Variants in ASAP1 observed in about 807,000 individuals in gnomAD.
The protein encoded by ASAP1 is arf-GAP with SH3 domain, ANK repeat and PH domain-containing protein 1.
ASAP1 carries 43 observed loss-of-function variants against 145.2 expected under a neutral mutation model. The ratio of observed to expected loss-of-function variants is 0.30; its 90% CI spans 0.23 to 0.38. The LOEUF is 0.38. Among genes scored for constraint, ASAP1 ranks in the 10% least tolerant of loss-of-function variants. The pLI is 1.00. For missense variants in ASAP1, 1,018 were observed against 1,355.3 expected (o/e 0.75, Z 3.91); for synonymous variants, 546 against 515.5 (o/e 1.06, Z -0.80).
chr8:130,244,933 A>G (rs1298070093), intron 3 of ASAP1, among the ~76,000 whole-genome samples: 3 of 152,148 alleles, frequency 2.0e-5, no homozygotes, highest in Admixed American at 1.3e-4. Context: ...AGAGAGAAGC[A>G]GAACAGAAAT....
intron 23 of ASAP1, among the ~76,000 whole-genome samples, chr8:130,114,595 A>G (rs961613921): frequency 2.0e-5 from 3 of 152,084 alleles, no homozygotes; most frequent in Admixed American, 6.6e-5. Flanking sequence ...CTACCGTATT[A>G]TGACATCTAT....
chr8:130,300,051 C>G (rs751829209), intron 3 of ASAP1, among the ~76,000 whole-genome samples: 1 of 146,300 alleles, frequency 6.8e-6, no homozygotes, highest in South Asian at 2.2e-4. Context: ...AAACAAAAGA[C>G]GAAAAACAAA....
intron 3 of ASAP1, among the ~76,000 whole-genome samples, chr8:130,284,016 G>C (rs1393036095): frequency 2.0e-5 from 3 of 152,028 alleles, no homozygotes; most frequent in African/African-American, 4.8e-5. Flanking sequence ...TGGAGGACTG[G>C]GTATGTGATG....
intron 27 of ASAP1, among the ~76,000 whole-genome samples, chr8:130,066,513 T>A (rs1282019401): frequency 1.3e-5 from 2 of 152,164 alleles, no homozygotes; most frequent in Non-Finnish European, 2.9e-5. Flanking sequence ...ACCTGGCCTA[T>A]TTCTTTCTTT....
chr8:130,058,137 G>C, intron 28 of ASAP1, 61 bp from the exon 29 acceptor site: 1 of 1,578,344 alleles, frequency 6.3e-7, no homozygotes, highest in Non-Finnish European at 8.7e-7. Context: ...AAAGAGCAGC[G>C]GTTCTTTGTA....
At chr8:130,429,107 A>G (rs538727238) in intron 1 of ASAP1, among the ~76,000 whole-genome samples, 23 of 152,284 alleles carry the variant, frequency 1.5e-4, no homozygotes, top group Admixed American at 1.5e-3. Flanking sequence ...CCCTCTGTGC[A>G]TATCTGCCTC....
At chr8:130,277,570 G>A (rs1445197069) in intron 3 of ASAP1, among the ~76,000 whole-genome samples, 4 of 152,108 alleles carry the variant, frequency 2.6e-5, no homozygotes, top group African/African-American at 9.7e-5. Context: ...GTGACACAGA[G>A]TTCTCATGAC....
Position 130,060,916 on chromosome 8 carries a change from A to G in ASAP1, c.2855T>C (p.Ile952Thr). 1.2e-6 allele frequency: 2 copies of G among 1,611,362 alleles called. No homozygotes were observed. Among genetic ancestry groups the G allele is most frequent in the South Asian group, 1.1e-5 (1 of 90,876 alleles). The part of the protein sequence containing the change: ...KPTELAPKPQ[I>T]GDLPPKPGEL... ...TCCTGGCTTAGGCGGCAAATCTCCA[A>G]TTTGGGGCTTGGGGGCCAGTTCTGT... The change falls in exon 28 of 30, where the codon ATT becomes ACT. Residue 952 changes from isoleucine to threonine, a missense_variant. Coordinates refer to ENST00000518721, the MANE Select transcript of ASAP1 (RefSeq NM_018482.4).
chr8:130,141,369 A>G (rs567040406), intron 13 of ASAP1, among the ~76,000 whole-genome samples: 1 of 150,968 alleles, frequency 6.6e-6, no homozygotes, highest in South Asian at 2.1e-4. Flanking sequence ...CTGCTCACAC[A>G]CTCCTGCAGG....
At chr8:130,319,073 C>T (rs557662345) in intron 3 of ASAP1, among the ~76,000 whole-genome samples, 20 of 152,320 alleles carry the variant, frequency 1.3e-4, no homozygotes, top group South Asian at 2.1e-4. Context: ...TCTTCTGAAG[C>T]GTTTTTACAA....
At chr8:130,174,134 C>T (rs1813790738) in intron 9 of ASAP1, among the ~76,000 whole-genome samples, 1 of 146,694 alleles carries the variant, frequency 6.8e-6, no homozygotes. Flanking sequence ...GAGTCAAAAC[C>T]ATATCATATT....
intron 5 of ASAP1, among the ~76,000 whole-genome samples, chr8:130,189,613 C>T (rs1306411376): frequency 1.3e-5 from 2 of 152,186 alleles, no homozygotes; most frequent in Non-Finnish European, 2.9e-5. Context: ...CTCCGATGAA[C>T]ATGAGAGTAC....
At chr8:130,337,019 C>T (rs1825078968) in intron 3 of ASAP1, among the ~76,000 whole-genome samples, 1 of 152,150 alleles carries the variant, frequency 6.6e-6, no homozygotes, top group Non-Finnish European at 1.5e-5. Context: ...CCACAGGGAA[C>T]CCCAGACCAT....
Position 130,372,887 on chromosome 8 carries a change from C to T in ASAP1, c.60-14744G>A, listed in dbSNP as rs1827276736. On this transcript the variant is annotated intron_variant, in intron 2 of 29. Transcript: ENST00000518721. ...GAGAGAGCACACTCATGCATATGGACACATGGACACATACACAGACATATA... is the reference window on the plus strand; with the variant it reads ...GAGAGAGCACACTCATGCATATGGATACATGGACACATACACAGACATATA... Among the ~76,000 whole-genome samples the T allele has an allele frequency of 2.0e-5, 3 of 152,096 alleles. No individual in the cohort carries two copies. The South Asian group carries it at 6.2e-4, about 32-fold the overall frequency.
chr8:130,181,073 G>A (rs1357749064), intron 7 of ASAP1, among the ~76,000 whole-genome samples, 193 bp from the exon 8 acceptor site: 1 of 151,952 alleles, frequency 6.6e-6, no homozygotes. Context: ...GGGGGAGGGA[G>A]CATATGGGAA....
At position 130,167,584 on chromosome 8, in the gene ASAP1, A is replaced by G. The variant is rs141564802; in HGVS notation, c.861T>C (p.Thr287=). The change falls in exon 11 of 30, where the codon ACT becomes ACC. Residue 287 remains threonine, a synonymous_variant. Coordinates refer to ENST00000518721, the MANE Select transcript of ASAP1 (RefSeq NM_018482.4). ...QTQDEEKKQL[T]ALRDLIKSSL... is the part of the protein sequence containing the mutation. ...AGGATTTTATTAAGTCTCGGAGTGC[A>G]GTTAGCTGTTTCTTTTCTTCATCCT... 161 of 1,613,578 alleles carry G rather than the reference A, an allele frequency of 1.0e-4. No homozygotes were observed. In the African/African-American group the frequency reaches 1.5e-3, roughly 15 times the overall value.
chr8:130,119,913 G>T (rs752888886), intron 18 of ASAP1, among the ~76,000 whole-genome samples: 9 of 152,082 alleles, frequency 5.9e-5, no homozygotes, highest in Non-Finnish European at 1.3e-4. Flanking sequence ...TAACACAAAG[G>T]ACATAAACTT....
intron 1 of ASAP1, among the ~76,000 whole-genome samples, chr8:130,424,043 T>C (rs1829822000): frequency 6.6e-6 from 1 of 152,210 alleles, no homozygotes; most frequent in Non-Finnish European, 1.5e-5. Context: ...AATTCTGCAA[T>C]TTAAATGGTG....
At position 130,162,533 on chromosome 8, in the gene ASAP1, A is replaced by T. The variant is rs918018828; in HGVS notation, c.910-2569T>A. ...TCTGTATCTTCCAGAAACATTAAAA[A>T]CATGGCCAGGCGCAGTGGCTCACGC... On this transcript the variant is annotated intron_variant, in intron 11 of 29. Transcript: ENST00000518721. Among the ~76,000 whole-genome samples the T allele has an allele frequency of 2.6e-5, 4 of 152,154 alleles. No individual in the cohort carries two copies. The East Asian group carries it at 7.7e-4, about 29-fold the overall frequency.
Sources: allele counts gnomAD v4.1 joint callset (sites outside exome capture counted in the v4.1 genomes callset), GRCh38; gene constraint gnomAD v4.1.1; transcripts MANE v1.5; gene names NCBI Gene and HGNC (gene_info 2026-07-23, HGNC 2026-07-21).